The following ADAM8 variants were observed in gnomAD, a reference collection of about 807,000 sequenced individuals.
The protein encoded by ADAM8 is ADAM metallopeptidase domain 8, also known as disintegrin and metalloproteinase domain-containing protein 8.
In ADAM8, 104 loss-of-function variants were observed where a neutral mutation model predicts 102.4. That is an observed-to-expected ratio of 1.02 (90% CI 0.87 to 1.20). The LOEUF (loss-of-function observed/expected upper bound fraction) is 1.20, where lower values mean the gene tolerates loss of function less well. Ranked by LOEUF, ADAM8 falls within the 50% of genes most tolerant of loss-of-function variation. The pLI is 0.00. For synonymous variants in ADAM8, 517 were observed against 485.2 expected (o/e 1.07, Z -0.86); for missense variants, 1,132 against 1,159.0 (o/e 0.98, Z 0.34).
intron 21 of ADAM8, among the ~76,000 whole-genome samples, chr10:133,267,088 C>CTCCAA (rs1846345405): frequency 6.6e-6 from 1 of 152,076 alleles, no homozygotes; most frequent in Admixed American, 6.5e-5. Flanking sequence ...GCTTGGTGGG[C>CTCCAA]GGAGCAGGTC....
chr10:133,269,700 G>A lies in ADAM8; in HGVS notation c.1864-171C>T, dbSNP rs1471727387. ...TCCATGTAGCCCCTGCCCGCTGCCCGGTGACCATGCAGGTTCCATCCACGG... is the reference window on the plus strand; with the variant it reads ...TCCATGTAGCCCCTGCCCGCTGCCCAGTGACCATGCAGGTTCCATCCACGG... On this transcript the variant is annotated intron_variant, in intron 17 of 22. Coordinates refer to ENST00000445355, the MANE Select transcript of ADAM8 (RefSeq NM_001109.5). Among the ~76,000 whole-genome samples the A allele has an allele frequency of 5.3e-5, 8 of 152,184 alleles. No homozygotes were observed. In the East Asian group the frequency reaches 7.7e-4, roughly 15 times the overall value.
intron 22 of ADAM8, 110 bp downstream of exon 22, chr10:133,263,578 A>G: frequency 1.5e-5 from 2 of 134,238 alleles, no homozygotes; most frequent in South Asian, 1.6e-4. Flanking sequence ...TTATCCACAG[A>G]TAATCAGAAA....
At chr10:133,264,482 C>G (rs1413638006) in intron 21 of ADAM8, among the ~76,000 whole-genome samples, 1 of 152,232 alleles carries the variant, frequency 6.6e-6, no homozygotes, top group African/African-American at 2.4e-5. Context: ...TGGATGTCCA[C>G]CACACAGAGC....
chr10:133,275,486 A>G lies in ADAM8; in HGVS notation c.148T>C (p.Leu50=). ...PRVRRALPSH[L]GLHPERVSYV... ...TCCCCAGGCCAGCTTAGACTCACCA[A>G]GTGGGAGGGCAGAGCTCGGCGGACT... is the stretch of plus-strand genomic sequence containing the variant. The change falls in exon 2 of 23, where the codon TTG becomes CTG. Residue 50 remains leucine, a splice_region_variant and synonymous_variant. Coordinates refer to ENST00000445355, the MANE Select transcript of ADAM8 (RefSeq NM_001109.5). 1 of 1,534,194 alleles carries G rather than the reference A, an allele frequency of 6.5e-7. No homozygotes were observed. The highest frequency in any genetic ancestry group is 8.8e-7 in the Non-Finnish European group (1 of 1,140,464).
At chr10:133,272,310 GCT>G in intron 9 of ADAM8, 36 bp from the exon 10 acceptor site, 1 of 1,490,830 alleles carries the variant, frequency 6.7e-7, no homozygotes, top group Non-Finnish European at 9.0e-7. Flanking sequence ...CCTGGACACG[GCT>G]CCCTCCCCAC....
chr10:133,276,660 G>A, intron 1 of ADAM8, 112 bp downstream of exon 1: 2 of 1,423,050 alleles, frequency 1.4e-6, no homozygotes, highest in Non-Finnish European at 1.8e-6. Context: ...CCCGAAGCCG[G>A]GCCAGGGTGC....
intron 18 of ADAM8, 188 bp from the exon 19 acceptor site, chr10:133,269,050 G>A: frequency 1.0e-6 from 1 of 985,478 alleles, no homozygotes; most frequent in Non-Finnish European, 1.2e-6. Flanking sequence ...TTGGCAGGGT[G>A]GCCCTGGGCC....
At chr10:133,272,930 C>G (rs370661333) in intron 7 of ADAM8, 27 bp downstream of exon 7, 3 of 1,612,554 alleles carry the variant, frequency 1.9e-6, no homozygotes, top group East Asian at 2.2e-5. Flanking sequence ...GCCGGCTGCT[C>G]TCCCACCTTC....
Position 133,272,393 on chromosome 10 carries a change from C to G in ADAM8, c.875+23G>C, listed in dbSNP as rs775073192. ...CGCCCTCCCTCCCCAGCCCTCCCCA[C>G]CCTGCCCGCTCCGCCAGCTCACGTG... On this transcript the variant is annotated intron_variant, in intron 9 of 22. Transcript: ENST00000445355. The G allele has an allele frequency of 2.0e-5, 31 of 1,540,920 alleles. No individual in the cohort carries two copies. In the African/African-American group the frequency reaches 3.7e-4, roughly 18 times the overall value.
chr10:133,275,098 TCA>T (rs998088294), intron 2 of ADAM8: 99 of 298,686 alleles, frequency 3.3e-4, no homozygotes, highest in African/African-American at 2.1e-3. Context: ...GGGGGCATTC[TCA>T]GTTTCTAGCC....
chr10:133,265,731 G>A (rs1250483353), intron 21 of ADAM8, among the ~76,000 whole-genome samples: 1 of 152,002 alleles, frequency 6.6e-6, no homozygotes, highest in African/African-American at 2.4e-5. Flanking sequence ...CTGAGAGGCG[G>A]AGATTGCAGT....
rs1252138085 is a variant in ADAM8, at chr10:133,263,016, A to T, written c.*140T>A. ...CAGCAGGAGCCTCTCAGGTAGATGC[A>T]TTCCTGAGGTTAGAACAGCAGCTGA... On this transcript the variant is annotated 3_prime_UTR_variant, in exon 23 of 23. Coordinates refer to ENST00000445355, the MANE Select transcript of ADAM8 (RefSeq NM_001109.5). 2 of 1,022,310 alleles carry T rather than the reference A, an allele frequency of 2.0e-6. No individual in the cohort carries two copies. The highest frequency in any genetic ancestry group is 3.1e-6 in the Non-Finnish European group (2 of 649,078). 63.3% of individuals were successfully genotyped at this position (1,022,310 alleles called of 1,614,324 possible).
In ADAM8 at chr10:133,276,864, G is replaced by C. The variant is rs367576649; in HGVS notation, c.-47C>G. ...CGGAGGTGACAGCCCCGCGGGACAC[G>C]GTCTGGTTCCTGCGCTCCTGGCCCG... On this transcript the variant is annotated 5_prime_UTR_variant, in exon 1 of 23. Transcript: ENST00000445355. 3.3e-6 allele frequency: 5 copies of C among 1,500,256 alleles called. No individual in the cohort carries two copies. The highest frequency in any genetic ancestry group is 1.9e-4 in the Middle Eastern group (1 of 5,242). The allele number at this position is 1,500,256 out of a possible 1,614,324, so 92.9% of individuals were successfully genotyped here.
At chr10:133,265,781 G>A (rs1263490867) in intron 21 of ADAM8, among the ~76,000 whole-genome samples, 6 of 151,306 alleles carry the variant, frequency 4.0e-5, no homozygotes, top group African/African-American at 1.5e-4. Flanking sequence ...CTGGGCGACA[G>A]AACGAGACTC....
chr10:133,269,392 G>C, intron 18 of ADAM8, 53 bp downstream of exon 18: 5 of 1,442,658 alleles, frequency 3.5e-6, no homozygotes, highest in South Asian at 1.4e-5. Flanking sequence ...GGCTCTGTTC[G>C]GGCCCTCTGA....
At chr10:133,276,631 G>T in intron 1 of ADAM8, 141 bp downstream of exon 1, 21 of 1,276,870 alleles carry the variant, frequency 1.6e-5, no homozygotes, top group Admixed American at 3.1e-5. Flanking sequence ...GCACCTGATG[G>T]CCCGCTCCCA....
Position 133,272,950 on chromosome 10 carries a change from A to G in ADAM8, c.636+7T>C. On this transcript the variant is annotated splice_region_variant and intron_variant, in intron 7 of 22. Coordinates refer to ENST00000445355, the MANE Select transcript of ADAM8 (RefSeq NM_001109.5). ...CTGCTCTCCCACCTTCCCTGCCCCC[A>G]ACACACCTCTGCATTGTCCACGACC... 13 of 1,612,062 alleles carry G rather than the reference A, an allele frequency of 8.1e-6. No homozygotes were observed. The highest frequency in any genetic ancestry group is 1.0e-5 in the Non-Finnish European group (12 of 1,179,622).
Position 133,274,219 on chromosome 10 carries a change from C to A in ADAM8, c.167G>T (p.Arg56Met). The A allele has an allele frequency of 6.3e-7, 1 of 1,575,900 alleles. No homozygotes were observed. Among genetic ancestry groups the A allele is most frequent in the South Asian group, 1.2e-5 (1 of 85,912 alleles). ...LPSHLGLHPE[R>M]VSYVLGATGH... The stretch of plus-strand genomic sequence containing the variant: ...TGTGGCCCCAAGGACGTAGCTCACC[C>A]TCTCTGGGTGCAGGCCCTGAGCGAG... Residue 56 changes from arginine (R) to methionine (M), a missense_variant, in exon 3 of 23, where the codon AGG becomes ATG. Physicochemically the swap from Arg to Met is moderately conservative, Grantham distance 91. Coordinates refer to ENST00000445355, the MANE Select transcript of ADAM8 (RefSeq NM_001109.5).
chr10:133,266,265 G>A (rs1028912780), intron 21 of ADAM8, among the ~76,000 whole-genome samples: 3 of 152,166 alleles, frequency 2.0e-5, no homozygotes, highest in Non-Finnish European at 2.9e-5. Flanking sequence ...GGGAGCAGGC[G>A]GTACTGACTG....
Sources: gnomAD v4.1 joint callset for allele counts (sites outside exome capture counted in the v4.1 genomes callset) on GRCh38, gnomAD v4.1.1 for gene constraint, MANE v1.5 for transcripts, NCBI Gene and HGNC (gene_info 2026-07-23, HGNC 2026-07-21) for gene names.